The following PFKFB3 variants were observed in gnomAD, a reference collection of about 807,000 sequenced individuals.
PFKFB3 encodes 6-phosphofructo-2-kinase/fructose-2,6-biphosphatase 3.
A neutral mutation model predicts 68.0 loss-of-function variants in PFKFB3; 33 were observed. The observed-to-expected ratio is 0.49, with a 90% confidence interval of 0.37 to 0.65. PFKFB3 has a LOEUF of 0.65. PFKFB3 is among the 30% of genes least tolerant of loss of function. The probability of loss-of-function intolerance (pLI) is 0.00; values close to 1 mark genes in which losing one functional copy is unlikely to be tolerated. For missense variants in PFKFB3, 586 were observed against 712.2 expected (o/e 0.82, Z 2.02); for synonymous variants, 315 against 288.2 (o/e 1.09, Z -0.94).
chr10:6,322,212 G>A, the PFKFB3 span, among the ~76,000 whole-genome samples: 77 of 152,196 alleles, frequency 5.1e-4, no homozygotes, highest in East Asian at 3.7e-3. Context: ...CCTTGTCACC[G>A]TCTACCCCCT....
Position 6,157,412 on chromosome 10 carries a change from G to A in PFKFB3, c.16+12399G>A, listed in dbSNP as rs550490429. Among the ~76,000 whole-genome samples, 762 of 152,170 alleles carry A rather than the reference G, an allele frequency of 5.0e-3. 6 individuals carry two copies. The highest frequency in any genetic ancestry group is 7.3e-3 in the Non-Finnish European group (496 of 67,986). The stretch of plus-strand genomic sequence containing the variant: ...CAGCTAATTTTTTGTATTTTTAGTA[G>A]AGGCGGGGTTTCACCGTGTTAGCCA... On this transcript the variant is annotated intron_variant, in intron 1 of 14. Coordinates refer to the PFKFB3 transcript ENST00000379789.
At chr10:6,244,335 G>T (rs552433031) in intron 14 of PFKFB3, among the ~76,000 whole-genome samples, 10 of 152,312 alleles carry the variant, frequency 6.6e-5, no homozygotes, top group African/African-American at 2.4e-4. Context: ...TGTTTCCCAG[G>T]CAGCTTAACC....
In PFKFB3 at chr10:6,202,959, A is replaced by G. The variant is rs1311619225; in HGVS notation, c.-302A>G. The G allele has an allele frequency of 2.4e-5, 30 of 1,268,650 alleles. No individual in the cohort carries two copies. Among genetic ancestry groups the G allele is most frequent in the East Asian group, 1.2e-4 (3 of 25,808 alleles). The allele number at this position is 1,268,650 out of a possible 1,614,324, so 78.6% of individuals were successfully genotyped here. ...CCAAGCCGGAGAGGAGGCGAGCAGC[A>G]GGGCCTGGTGGCGAGAGCGCGGCTG... On this transcript the variant is annotated 5_prime_UTR_variant, in exon 1 of 15. Coordinates refer to ENST00000379775, the MANE Select transcript of PFKFB3 (RefSeq NM_004566.4).
intron 1 of PFKFB3, among the ~76,000 whole-genome samples, chr10:6,182,756 G>T (rs7083300): frequency 6.6e-6 from 1 of 152,228 alleles, no homozygotes; most frequent in Non-Finnish European, 1.5e-5. Context: ...GGACTGCCCA[G>T]TGCTTTCCTG....
the PFKFB3 span, among the ~76,000 whole-genome samples, chr10:6,323,851 G>C: frequency 8.5e-5 from 13 of 152,162 alleles, no homozygotes; most frequent in African/African-American, 2.9e-4. Context: ...TGGGATGGTG[G>C]TTCCTTAAAA....
chr10:6,159,883 C>G (rs1014635107), intron 1 of PFKFB3, among the ~76,000 whole-genome samples: 1 of 151,680 alleles, frequency 6.6e-6, no homozygotes, highest in Non-Finnish European at 1.5e-5. Flanking sequence ...CTCAGCCTCC[C>G]CAGTTGCTAT....
At chr10:6,272,805 T>G in the PFKFB3 span, among the ~76,000 whole-genome samples, 1 of 152,212 alleles carries the variant, frequency 6.6e-6, no homozygotes, top group Admixed American at 6.5e-5. Context: ...AAGGGCTATG[T>G]GGGAAGATTT....
chr10:6,200,240 C>A (rs1843293563), upstream of PFKFB3, among the ~76,000 whole-genome samples: 1 of 152,130 alleles, frequency 6.6e-6, no homozygotes, highest in Non-Finnish European at 1.5e-5. Flanking sequence ...TCAATCTGCG[C>A]TAGCCTTGGT....
At chr10:6,307,568 T>TCCTTCCTTCCTC in the PFKFB3 span, among the ~76,000 whole-genome samples, 1 of 118,900 alleles carries the variant, frequency 8.4e-6, no homozygotes, top group Non-Finnish European at 1.8e-5. Context: ...CTTCCTTCCT[T>TCCTTCCTTCCTC]CCTCCTTCTC....
upstream of PFKFB3, among the ~76,000 whole-genome samples, chr10:6,201,729 C>T (rs1257307206): frequency 6.6e-6 from 1 of 152,102 alleles, no homozygotes; most frequent in Non-Finnish European, 1.5e-5. The surrounding 1 kb of genome is among the most constrained non-coding windows in gnomAD (Gnocchi z 4.1). Flanking sequence ...CAATCACAGC[C>T]CAGCCTCAGC....
intron 1 of PFKFB3, among the ~76,000 whole-genome samples, chr10:6,179,527 C>T (rs948111805): frequency 3.3e-5 from 5 of 151,852 alleles, no homozygotes; most frequent in Admixed American, 6.6e-5. Flanking sequence ...CCCTAGCGAG[C>T]CCCCCGGGAA....
chr10:6,253,092 G>A (rs1052098464), intron 14 of PFKFB3, among the ~76,000 whole-genome samples: 2 of 152,060 alleles, frequency 1.3e-5, no homozygotes, highest in African/African-American at 4.8e-5. Flanking sequence ...TAATTTTTGT[G>A]TATTTTTAGT....
At chr10:6,261,464 G>A in the PFKFB3 span, among the ~76,000 whole-genome samples, 1 of 152,202 alleles carries the variant, frequency 6.6e-6, no homozygotes, top group African/African-American at 2.4e-5. Flanking sequence ...ACTTACAAGT[G>A]GGAGCTAAAA....
chr10:6,155,369 AT>A (rs370160231), intron 1 of PFKFB3, among the ~76,000 whole-genome samples: 3 of 151,062 alleles, frequency 2.0e-5, no homozygotes, highest in African/African-American at 7.3e-5. Context: ...CGCCCGGCTA[AT>A]TTTTTTTGTA....
chr10:6,164,590 G>T (rs1339165272), intron 1 of PFKFB3, among the ~76,000 whole-genome samples: 1 of 152,144 alleles, frequency 6.6e-6, no homozygotes, highest in East Asian at 1.9e-4. Flanking sequence ...GGGCCCAGGG[G>T]ACTGGCACTC....
At chr10:6,172,275 C>T (rs918332995) in intron 1 of PFKFB3, among the ~76,000 whole-genome samples, 4 of 152,178 alleles carry the variant, frequency 2.6e-5, no homozygotes, top group Non-Finnish European at 4.4e-5. Flanking sequence ...TGCTCCTTTG[C>T]AGGAAGGAGA....
At chr10:6,180,626 G>A (rs955264024) in intron 1 of PFKFB3, among the ~76,000 whole-genome samples, 2 of 152,048 alleles carry the variant, frequency 1.3e-5, no homozygotes, top group Non-Finnish European at 2.9e-5. Flanking sequence ...CACCACACCT[G>A]GCTAATCTTT....
intron 14 of PFKFB3, chr10:6,231,733 G>A: frequency 3.4e-6 from 1 of 294,416 alleles, no homozygotes; most frequent in African/African-American, 2.3e-5. Context: ...CTCCCAGTGG[G>A]CACCCATCAC....
chr10:6,158,926 C>G (rs1037725059), intron 1 of PFKFB3, among the ~76,000 whole-genome samples: 1 of 151,970 alleles, frequency 6.6e-6, no homozygotes, highest in African/African-American at 2.4e-5. Context: ...CCTAGTATTG[C>G]TGATGTTCAC....
Sources: gnomAD v4.1 joint callset for allele counts (sites outside exome capture counted in the v4.1 genomes callset) on GRCh38, gnomAD v4.1.1 for gene constraint, Gnocchi (gnomAD v3.1) non-coding constraint, MANE v1.5 for transcripts, NCBI Gene and HGNC (gene_info 2026-07-23, HGNC 2026-07-21) for gene names.